EPRS1: variants seen among roughly 807,000 people sequenced by gnomAD.
EPRS1 encodes bifunctional glutamate/proline--tRNA ligase.
EPRS1 carries 107 observed loss-of-function variants against 188.3 expected under a neutral mutation model. That is an observed-to-expected ratio of 0.57 (90% CI 0.49 to 0.67). The LOEUF (loss-of-function observed/expected upper bound fraction) is 0.67. EPRS1 is among the 30% of genes least tolerant of loss of function. The pLI is 0.00. For synonymous variants in EPRS1, 596 were observed against 593.1 expected (o/e 1.00, Z -0.07); for missense variants, 1,577 against 1,802.2 (o/e 0.88, Z 2.26).
chr1:220,022,477 C>G lies in EPRS1; in HGVS notation c.985G>C (p.Gly329Arg). 2.5e-6 allele frequency: 4 copies of G among 1,613,686 alleles called. No individual in the cohort carries two copies. In the South Asian group the frequency reaches 4.4e-5, roughly 18 times the overall value. ...CAACAGGACTGACCAAACTGGCTCC[C>G]TTTTTTCATTTCTTCCCACATTTGT... Reference protein sequence around the residue: ...NLQMWEEMKKGSQFGQSCCLR... With the variant: ...NLQMWEEMKKRSQFGQSCCLR... The change falls in exon 9 of 32, where the codon GGG (glycine) becomes CGG (arginine). Residue 329 changes from glycine (G) to arginine (R), a missense_variant. Physicochemically the swap from Gly to Arg is moderately radical, Grantham distance 125. Coordinates refer to ENST00000366923, the MANE Select transcript of EPRS1 (RefSeq NM_004446.3).
In EPRS1 at chr1:220,023,487, G is replaced by A. The variant is rs1343495768; in HGVS notation, c.943+777C>T. On this transcript the variant is annotated intron_variant, in intron 8 of 31. Coordinates refer to ENST00000366923, the MANE Select transcript of EPRS1 (RefSeq NM_004446.3). ...GAAAATCACCCAATTTAGAAGTTCA[G>A]GAGAGAAGCCATGAATAAGAAAGAT... 3.3e-5 allele frequency among the ~76,000 whole-genome samples: 5 copies of A among 152,160 alleles called. 1 individual carries two copies. Among genetic ancestry groups the A allele is most frequent in the African/African-American group, 1.2e-4 (5 of 41,434 alleles).
chr1:219,969,267 C>G, intron 30 of EPRS1, 145 bp from the exon 31 acceptor site: 2 of 634,890 alleles, frequency 3.2e-6, no homozygotes, highest in South Asian at 3.9e-5. Context: ...CTTTGCAAAC[C>G]TACTAGGAAC....
chr1:219,970,208 A>G lies in EPRS1; in HGVS notation c.4324-1086T>C, dbSNP rs1257569467. ...ATGAGGTTTGTCTTCAATAACAATT[A>G]TGTAGTAGCCCTATAAAATATTCCT... is the stretch of plus-strand genomic sequence containing the variant. On this transcript the variant is annotated intron_variant, in intron 30 of 31. Transcript: ENST00000366923. 3.3e-5 allele frequency among the ~76,000 whole-genome samples: 5 copies of G among 152,228 alleles called. No individual in the cohort carries two copies. In the East Asian group the frequency reaches 9.6e-4, roughly 29 times the overall value.
In EPRS1 at chr1:220,009,366, G is replaced by A. The variant is rs1009896187; in HGVS notation, c.1605+1580C>T. On this transcript the variant is annotated intron_variant, in intron 13 of 31. Coordinates refer to ENST00000366923, the MANE Select transcript of EPRS1 (RefSeq NM_004446.3). ...TATAAGCTTGGCTACTAGTATATGC[G>A]TTAGTCTGTGAACGTAATTTTCAGT... Among the ~76,000 whole-genome samples the A allele has an allele frequency of 8.5e-5, 13 of 152,264 alleles. No individual in the cohort carries two copies. The South Asian group carries it at 1.0e-3, about 12-fold the overall frequency.
At chr1:220,005,388 A>G in intron 15 of EPRS1, 28 bp from the exon 16 acceptor site, 1 of 1,131,508 alleles carries the variant, frequency 8.8e-7, no homozygotes, top group South Asian at 1.4e-5. Context: ...ACCAAAGTAC[A>G]CTTTCTCAAA....
intron 28 of EPRS1, among the ~76,000 whole-genome samples, chr1:219,976,664 C>G (rs7527659): frequency 0.46 from 69,603 of 151,748 alleles, 16,057 homozygotes; most frequent in South Asian, 0.52. Context: ...AATTTTACAA[C>G]CCAGGTAGAA....
At position 219,978,738 on chromosome 1, in the gene EPRS1, C is replaced by T. The variant is rs1437917036; in HGVS notation, c.3910-19G>A. On this transcript the variant is annotated intron_variant, in intron 27 of 31. Coordinates refer to ENST00000366923, the MANE Select transcript of EPRS1 (RefSeq NM_004446.3). ...TCACCACCTAGAATCAGCACAATGTCCCAAATGTATGCAAAGAAACAGATA... is the reference window on the plus strand; with the variant it reads ...TCACCACCTAGAATCAGCACAATGTTCCAAATGTATGCAAAGAAACAGATA... 2 of 1,589,736 alleles carry T rather than the reference C, an allele frequency of 1.3e-6. No individual in the cohort carries two copies. The highest frequency in any genetic ancestry group is 2.3e-5 in the South Asian group (2 of 88,428).
intron 7 of EPRS1, among the ~76,000 whole-genome samples, chr1:220,024,754 C>T (rs1355074280): frequency 2.0e-5 from 3 of 152,176 alleles, no homozygotes; most frequent in Admixed American, 2.0e-4. Context: ...TCTTTGAATA[C>T]ACTGCCATAC....
intron 13 of EPRS1, among the ~76,000 whole-genome samples, chr1:220,009,781 T>C (rs763265723): frequency 3.3e-5 from 5 of 152,130 alleles, no homozygotes; most frequent in Admixed American, 6.5e-5. Flanking sequence ...AAAAGTACTC[T>C]ATGGTACTTG....
Position 219,979,458 on chromosome 1 carries a change from T to C in EPRS1, c.3869A>G (p.Asn1290Ser). Residue 1290 changes from asparagine (N) to serine (S), a missense_variant, in exon 27 of 32, where the codon AAC becomes AGC. Physicochemically the swap from Asn to Ser is conservative, Grantham distance 46. Coordinates refer to ENST00000366923, the MANE Select transcript of EPRS1 (RefSeq NM_004446.3). ...IGVMTMVHGD[N>S]MGLVLPPRVA... is the part of the protein sequence containing the mutation. ...ACGGGGTGGTAATACTAAACCCATG[T>C]TGTCCCCATGAACCATGGTCATAAC... The C allele has an allele frequency of 1.2e-6, 2 of 1,614,124 alleles. No individual in the cohort carries two copies. Among genetic ancestry groups the C allele is most frequent in the South Asian group, 1.1e-5 (1 of 91,082 alleles).
chr1:220,010,678 G>T (rs2647475), intron 13 of EPRS1, among the ~76,000 whole-genome samples: 1 of 151,592 alleles, frequency 6.6e-6, no homozygotes, highest in Non-Finnish European at 1.5e-5. Context: ...GGCGTAGTGG[G>T]GGGCACCTGT....
chr1:220,020,109 T>C lies in EPRS1; in HGVS notation c.1228A>G (p.Ile410Val). The change falls in exon 10 of 32, where the codon ATT (isoleucine) becomes GTT (valine). Residue 410 changes from isoleucine (I) to valine (V), a missense_variant. Transcript: ENST00000366923. Reference protein sequence around the residue: ...HDRDEQFYWIIEALGIRKPYI... With the variant: ...HDRDEQFYWIVEALGIRKPYI... The stretch of plus-strand genomic sequence containing the variant: ...GGTTTTCTTATGCCTAAAGCTTCAA[T>C]AATCCAGTAAAACTGCTCATCTCTG... 6.2e-7 allele frequency: 1 copy of C among 1,613,978 alleles called. No homozygotes were observed. Among genetic ancestry groups the C allele is most frequent in the African/African-American group, 1.3e-5 (1 of 75,056 alleles).
In EPRS1 at chr1:220,020,473, G is replaced by C. The variant is rs567319965; in HGVS notation, c.1116-252C>G. Among the ~76,000 whole-genome samples the C allele has an allele frequency of 3.9e-5, 6 of 152,208 alleles. 1 individual carries two copies. The highest frequency in any genetic ancestry group is 1.9e-4 in the East Asian group (1 of 5,184). On this transcript the variant is annotated intron_variant, in intron 9 of 31. Coordinates refer to ENST00000366923, the MANE Select transcript of EPRS1 (RefSeq NM_004446.3). ...CAATCTAATACAAAATTAGGTATTGGCTTGGCAAATTGTATAATCATAATA... is the reference window on the plus strand; with the variant it reads ...CAATCTAATACAAAATTAGGTATTGCCTTGGCAAATTGTATAATCATAATA...
chr1:220,005,280 G>T lies in EPRS1; in HGVS notation c.2031C>A (p.Phe677Leu), dbSNP rs147887545. Residue 677 changes from phenylalanine (F) to leucine (L), a missense_variant, in exon 16 of 32, where the codon TTC becomes TTA. Transcript: ENST00000366923. ...GTTCATAAGGTTGATCACATATGAAGAATCCTCTTCTCTGGAGTTGTATAA... is the reference window on the plus strand; with the variant it reads ...GTTCATAAGGTTGATCACATATGAATAATCCTCTTCTCTGGAGTTGTATAA... ...GDIIQLQRRG[F>L]FICDQPYEPV... 17 of 1,586,866 alleles carry T rather than the reference G, an allele frequency of 1.1e-5. No individual in the cohort carries two copies. The highest frequency in any genetic ancestry group is 1.5e-5 in the Non-Finnish European group (17 of 1,163,432).
chr1:220,031,144 A>G (rs895093011), intron 5 of EPRS1, among the ~76,000 whole-genome samples: 12 of 151,868 alleles, frequency 7.9e-5, no homozygotes, highest in Non-Finnish European at 1.5e-5. Context: ...TAAATAACAG[A>G]GTAGGTAAGG....
chr1:220,002,201 G>A (rs538805191), intron 16 of EPRS1, among the ~76,000 whole-genome samples: 1 of 151,786 alleles, frequency 6.6e-6, no homozygotes, highest in East Asian at 2.0e-4. Flanking sequence ...GTATGGTGGC[G>A]GGCGCCTGTA....
intron 17 of EPRS1, among the ~76,000 whole-genome samples, chr1:219,999,522 A>T (rs1661302746): frequency 6.6e-6 from 1 of 152,126 alleles, no homozygotes; most frequent in African/African-American, 2.4e-5. Flanking sequence ...TCTACTGGAC[A>T]CTCACTTTTG....
intron 20 of EPRS1, among the ~76,000 whole-genome samples, chr1:219,986,296 C>G (rs1045620427): frequency 2.6e-5 from 4 of 152,178 alleles, no homozygotes; most frequent in African/African-American, 9.7e-5. Context: ...TTCAGAAATA[C>G]GCTGTTAGGT....
At chr1:220,012,292 T>A (rs973979186) in intron 12 of EPRS1, among the ~76,000 whole-genome samples, 17 of 152,214 alleles carry the variant, frequency 1.1e-4, no homozygotes, top group African/African-American at 4.1e-4. Flanking sequence ...TGGGCTGGAA[T>A]AATCAAAGAT....
Sources: allele counts gnomAD v4.1 joint callset (sites outside exome capture counted in the v4.1 genomes callset), GRCh38; gene constraint gnomAD v4.1.1; transcripts MANE v1.5; gene names NCBI Gene and HGNC (gene_info 2026-07-23, HGNC 2026-07-21).